POLM: variants seen among roughly 807,000 people sequenced by gnomAD.
POLM encodes the protein DNA polymerase mu, also known as DNA-directed DNA/RNA polymerase mu.
A neutral mutation model predicts 56.7 loss-of-function variants in POLM; 52 were observed. The observed-to-expected ratio is 0.92, with a 90% CI of 0.73 to 1.15. The LOEUF (loss-of-function observed/expected upper bound fraction) is 1.15, where lower values mean the gene tolerates loss of function less well. Ranked by LOEUF, POLM falls within the 50% of genes most tolerant of loss-of-function variation. The pLI is 0.00. For missense variants in POLM, 660 were observed against 663.6 expected (o/e 0.99, Z 0.06); for synonymous variants, 273 against 274.3 (o/e 1.00, Z 0.05).
At chr7:44,080,415 C>G (rs1343295612) in intron 2 of POLM, 1 of 572,796 alleles carries the variant, frequency 1.7e-6, no homozygotes. Flanking sequence ...CTCCTGCTAA[C>G]CCATGGGTCA....
rs756488366 is a variant in POLM, at chr7:44,074,122, G to A, written c.1071+9C>T. The A allele has an allele frequency of 6.2e-7, 1 of 1,605,128 alleles. No homozygotes were observed. Among genetic ancestry groups the A allele is most frequent in the South Asian group, 1.1e-5 (1 of 90,598 alleles). On this transcript the variant is annotated intron_variant, in intron 8 of 10. Transcript: ENST00000242248. ...AGCGGTGGCTCTTGGGGAGCAGGGA[G>A]GCCCTCACCTGGTCCTGCAGGCGGC...
At chr7:44,077,581 C>T (rs1379487078) in intron 5 of POLM, among the ~76,000 whole-genome samples, 2 of 152,152 alleles carry the variant, frequency 1.3e-5, no homozygotes, top group African/African-American at 4.8e-5. Flanking sequence ...GGGGCTGAGG[C>T]TGACAGTGAA....
In POLM at chr7:44,074,044, G is replaced by T. The variant is rs3218664; in HGVS notation, c.1072-19C>A. 1.2e-6 allele frequency: 2 copies of T among 1,611,302 alleles called. No individual in the cohort carries two copies. The highest frequency in any genetic ancestry group is 1.1e-5 in the South Asian group (1 of 91,078). ...TGAGGCCCTGTGGGGAGAGGCGGGC[G>T]TGGCTGAGACCATCCGGTGGTGTGG... On this transcript the variant is annotated intron_variant, in intron 8 of 10. Coordinates refer to ENST00000242248, the MANE Select transcript of POLM (RefSeq NM_013284.4).
Position 44,072,840 on chromosome 7 carries a change from C to T in POLM, c.*451G>A. 1 of 396,846 alleles carries T rather than the reference C, an allele frequency of 2.5e-6. No individual in the cohort carries two copies. Among genetic ancestry groups the T allele is most frequent in the Non-Finnish European group, 4.5e-6 (1 of 222,152 alleles). 24.6% of individuals were successfully genotyped at this position (396,846 alleles called of 1,614,324 possible). On this transcript the variant is annotated 3_prime_UTR_variant, in exon 11 of 11. Coordinates refer to ENST00000242248, the MANE Select transcript of POLM (RefSeq NM_013284.4). ...ACCACAGCCTCCAGCTCATGGCTCT[C>T]AAATGCAGTGCAGGTATGCATGGTT...
chr7:44,077,409 C>T (rs983087137), intron 5 of POLM, among the ~76,000 whole-genome samples: 4 of 152,190 alleles, frequency 2.6e-5, no homozygotes, highest in Admixed American at 2.6e-4. Context: ...GCTCTGCTGG[C>T]CCTCCTTTCC....
chr7:44,078,121 GCT>G (rs1252792497), intron 5 of POLM, among the ~76,000 whole-genome samples: 2 of 152,220 alleles, frequency 1.3e-5, no homozygotes, highest in African/African-American at 2.4e-5. Context: ...GGTTCACAGT[GCT>G]CTGTTTAAGA....
rs539489391 is a variant in POLM, at chr7:44,073,690, G to A, written c.1333C>T (p.Arg445Cys). ...CCCTTCTCCTTCCGGCTGAAGCGGCGCAGCTCCCGCTGGAAAAGCTGTAGG... is the reference window on the plus strand; with the variant it reads ...CCCTTCTCCTTCCGGCTGAAGCGGCACAGCTCCCGCTGGAAAAGCTGTAGG... ...TGSKLFQREL[R>C]RFSRKEKGLW... Residue 445 changes from arginine (R) to cysteine (C), a missense_variant, in exon 10 of 11, where the codon CGC (arginine) becomes TGC (cysteine). Transcript: ENST00000242248. 1.2e-5 allele frequency: 19 copies of A among 1,614,150 alleles called. No individual in the cohort carries two copies. In the Admixed American group the frequency reaches 1.7e-4, roughly 14 times the overall value.
In POLM at chr7:44,080,779, A is replaced by G. The variant is rs756630729; in HGVS notation, c.326T>C (p.Leu109Pro). 4 of 1,614,008 alleles carry G rather than the reference A, an allele frequency of 2.5e-6. No individual in the cohort carries two copies. In the Admixed American group the frequency reaches 5.0e-5, roughly 20 times the overall value. ...CACAGGTACAGGCTGCCCAGCTCCC[A>G]GGCTCTCTGTTAACCAGCTTATGTC... ...LLDISWLTES[L>P]GAGQPVPVEC... The change falls in exon 2 of 11, where the codon CTG becomes CCG. Residue 109 changes from leucine (L) to proline (P), a missense_variant. By Grantham distance (98) the Leu-to-Pro change is moderately conservative. Transcript: ENST00000242248.
chr7:44,078,052 G>A (rs1266740174), intron 5 of POLM, among the ~76,000 whole-genome samples: 1 of 152,256 alleles, frequency 6.6e-6, no homozygotes, highest in Admixed American at 6.5e-5. Context: ...ATAAGGTCCT[G>A]CAGAAGGCGG....
At position 44,074,211 on chromosome 7, in the gene POLM, C is replaced by T. The variant is rs756643926; in HGVS notation, c.991G>A (p.Val331Met). 3.1e-5 allele frequency: 50 copies of T among 1,590,838 alleles called. No homozygotes were observed. The highest frequency in any genetic ancestry group is 4.0e-5 in the African/African-American group (3 of 74,686). Residue 331 changes from valine (V) to methionine (M), a missense_variant, in exon 8 of 11, where the codon GTG (valine) becomes ATG (methionine). Transcript: ENST00000242248. ...TTGGGGTGGGTGATGAGGAAGTCCA[C>T]GTCATGGCCCTGCAACTTCCCCCTG... Reference protein sequence around the residue: ...FRRGKLQGHDVDFLITHPKEG... With the variant: ...FRRGKLQGHDMDFLITHPKEG...
rs1387084148 is a variant in POLM at position 44,072,487 on chromosome 7, A to AG, written c.*803dup. The AG allele has an allele frequency of 2.0e-5, 3 of 152,220 alleles. No homozygotes were observed. Among genetic ancestry groups the AG allele is most frequent in the African/African-American group, 7.2e-5 (3 of 41,434 alleles). The allele number at this position is 152,220 out of a possible 1,614,324, so 9.4% of individuals were successfully genotyped here. A position where few individuals can be genotyped will look rare whatever the true frequency, so the allele number is the denominator to read the frequency against. On this transcript the variant is annotated 3_prime_UTR_variant, in exon 11 of 11. Coordinates refer to ENST00000242248, the MANE Select transcript of POLM (RefSeq NM_013284.4). ...TGAGAAGGGGAGGGAGTTGGCCACA[A>AG]GGGGGCCTGGGTGCATCAAATAGGA...
Position 44,072,700 on chromosome 7 carries a change from G to A in POLM, c.*591C>T, listed in dbSNP as rs148084483. 4.5e-4 allele frequency: 81 copies of A among 179,564 alleles called. No homozygotes were observed. The highest frequency in any genetic ancestry group is 1.7e-3 in the African/African-American group (72 of 42,534). 11.1% of individuals were successfully genotyped at this position (179,564 alleles called of 1,614,324 possible). A position where few individuals can be genotyped will look rare whatever the true frequency, so the allele number is the denominator to read the frequency against. ...AGAAGCACAGAGCCTGGCTCGGGGCGCTGCAGTACTGAAGCCCCATAGTTG... is the reference window on the plus strand; with the variant it reads ...AGAAGCACAGAGCCTGGCTCGGGGCACTGCAGTACTGAAGCCCCATAGTTG... On this transcript the variant is annotated 3_prime_UTR_variant, in exon 11 of 11. Transcript: ENST00000242248.
intron 6 of POLM, chr7:44,075,876 C>A (rs1212058016): frequency 6.6e-6 from 1 of 152,346 alleles, no homozygotes; most frequent in Non-Finnish European, 1.5e-5. Flanking sequence ...GTAGCTGGTA[C>A]TACGGGCATC....
At position 44,074,400 on chromosome 7, in the gene POLM, GC is replaced by G; in HGVS notation, c.965del (p.Arg322ProfsTer29). On this transcript the variant is annotated frameshift_variant, in exon 7 of 11. Transcript: ENST00000242248. LOFTEE classifies it high-confidence loss of function. Reference sequence around the variant, plus strand: ...AGGGGCACGTCGGGCCTTCTTACCTGCGGAAGCCGCCGGTCAGCGTGACGGT... The same window carrying G: ...AGGGGCACGTCGGGCCTTCTTACCTGGGAAGCCGCCGGTCAGCGTGACGGT... The part of the protein sequence containing the change: ...GATVTLTGGF[R>X]RGKLQGHDVD... The G allele has an allele frequency of 6.4e-7, 1 of 1,555,138 alleles. No homozygotes were observed. The highest frequency in any genetic ancestry group is 8.7e-7 in the Non-Finnish European group (1 of 1,149,130).
Position 44,074,145 on chromosome 7 carries a change from G to A in POLM, c.1057C>T (p.Arg353Cys), listed in dbSNP as rs377711638. ...GAGGCCCTCACCTGGTCCTGCAGGC[G>A]GCACATCACTCTAGGCAGCAGCCCC... ...EAGLLPRVMC[R>C]LQDQGLILYH... The change falls in exon 8 of 11, where the codon CGC becomes TGC. Residue 353 changes from arginine (R) to cysteine (C), a missense_variant. Coordinates refer to ENST00000242248, the MANE Select transcript of POLM (RefSeq NM_013284.4). 42 of 1,604,596 alleles carry A rather than the reference G, an allele frequency of 2.6e-5. No individual in the cohort carries two copies. Among genetic ancestry groups the A allele is most frequent in the African/African-American group, 1.5e-4 (11 of 75,002 alleles).
At position 44,072,902 on chromosome 7, in the gene POLM, G is replaced by A. The variant is rs1321861092; in HGVS notation, c.*389C>T. On this transcript the variant is annotated 3_prime_UTR_variant, in exon 11 of 11. Coordinates refer to ENST00000242248, the MANE Select transcript of POLM (RefSeq NM_013284.4). ...ATTCTGGGCAGGGTGCCCTGCAGGA[G>A]CCACAGTTAACTGCAGTGCAACTAA... 4.1e-6 allele frequency: 2 copies of A among 492,422 alleles called. No individual in the cohort carries two copies. The highest frequency in any genetic ancestry group is 3.0e-5 in the East Asian group (1 of 33,734). 30.5% of individuals were successfully genotyped at this position (492,422 alleles called of 1,614,324 possible). A position where few individuals can be genotyped will look rare whatever the true frequency, so the allele number is the denominator to read the frequency against.
Position 44,074,123 on chromosome 7 carries a change from GC to G in POLM, c.1071+7del. ...GCGGTGGCTCTTGGGGAGCAGGGAG[GC>G]CCTCACCTGGTCCTGCAGGCGGCAC... is the stretch of plus-strand genomic sequence containing the variant. On this transcript the variant is annotated splice_region_variant and intron_variant, in intron 8 of 10. Transcript: ENST00000242248. The G allele has an allele frequency of 6.2e-7, 1 of 1,604,734 alleles. No homozygotes were observed. The highest frequency in any genetic ancestry group is 1.1e-5 in the South Asian group (1 of 90,518).
At chr7:44,078,851 G>A (rs564611100) in intron 4 of POLM, 40 bp from the exon 5 acceptor site, 20 of 1,568,106 alleles carry the variant, frequency 1.3e-5, no homozygotes, top group African/African-American at 8.1e-5. Context: ...GCCTGAGGGC[G>A]TGGGAAGAAA....
At position 44,073,674 on chromosome 7, in the gene POLM, T is replaced by A; in HGVS notation, c.1349A>T (p.Lys450Met). 2 of 1,614,202 alleles carry A rather than the reference T, an allele frequency of 1.2e-6. No homozygotes were observed. Among genetic ancestry groups the A allele is most frequent in the Non-Finnish European group, 1.7e-6 (2 of 1,180,018 alleles). The change falls in exon 10 of 11, where the codon AAG becomes ATG. Residue 450 changes from lysine (K) to methionine (M), a missense_variant. Transcript: ENST00000242248. ...FQRELRRFSR[K>M]EKGLWLNSHG... The stretch of plus-strand genomic sequence containing the variant: ...GCTGTTCAGCCACAGGCCCTTCTCC[T>A]TCCGGCTGAAGCGGCGCAGCTCCCG...
Sources: gnomAD v4.1 joint callset for allele counts (sites outside exome capture counted in the v4.1 genomes callset) on GRCh38, gnomAD v4.1.1 for gene constraint, MANE v1.5 for transcripts, NCBI Gene and HGNC (gene_info 2026-07-23, HGNC 2026-07-21) for gene names.